The following NXPE2 variants were observed in gnomAD, a reference collection of about 807,000 sequenced individuals.
NXPE2 encodes NXPE family member 2.
In NXPE2, 34 loss-of-function variants were observed where a neutral mutation model predicts 34.4. The observed-to-expected ratio is 0.99, with a 90% CI of 0.75 to 1.31. The LOEUF (loss-of-function observed/expected upper bound fraction) is 1.31. Ranked by LOEUF, NXPE2 falls within the 40% of genes most tolerant of loss-of-function variation. The pLI, the probability that NXPE2 is intolerant of heterozygous loss-of-function variation, is 0.00. For synonymous variants in NXPE2, 235 were observed against 231.3 expected, an observed-to-expected ratio of 1.02 and a Z score of -0.15; for missense variants, 649 against 672.5, an observed-to-expected ratio of 0.97 and a Z score of 0.39.
chr11:114,529,039 T>C, the NXPE2 span: 3 of 402,760 alleles, frequency 7.4e-6, no homozygotes, highest in Non-Finnish European at 1.3e-5. Context: ...GATTCTGGAA[T>C]GCATGTTATT....
At chr11:114,602,947 A>G in the NXPE2 span, among the ~76,000 whole-genome samples, 1 of 149,884 alleles carries the variant, frequency 6.7e-6, no homozygotes, top group African/African-American at 2.4e-5. Context: ...CAGAATCATA[A>G]TTATCTCATA....
the NXPE2 span, among the ~76,000 whole-genome samples, chr11:114,471,207 C>T: frequency 2.6e-5 from 4 of 152,132 alleles, no homozygotes; most frequent in Admixed American, 1.3e-4. Context: ...AATCATTGCC[C>T]AGCCAAAGGC....
chr11:114,471,205 C>G, the NXPE2 span, among the ~76,000 whole-genome samples: 1 of 152,120 alleles, frequency 6.6e-6, no homozygotes, highest in African/African-American at 2.4e-5. Context: ...GAAATCATTG[C>G]CCAGCCAAAG....
At chr11:114,472,110 T>C in the NXPE2 span, among the ~76,000 whole-genome samples, 2 of 152,224 alleles carry the variant, frequency 1.3e-5, no homozygotes, top group African/African-American at 4.8e-5. Flanking sequence ...GCCCCATGGC[T>C]ACCTCTAGCA....
the NXPE2 span, among the ~76,000 whole-genome samples, chr11:114,534,413 C>T: frequency 5.3e-5 from 8 of 152,182 alleles, no homozygotes; most frequent in Non-Finnish European, 8.8e-5. Flanking sequence ...TCCTCACCAG[C>T]AACAGAACAA....
the NXPE2 span, among the ~76,000 whole-genome samples, chr11:114,574,915 CT>C: frequency 6.6e-6 from 1 of 151,958 alleles, no homozygotes; most frequent in African/African-American, 2.4e-5. Flanking sequence ...AGTAACATCC[CT>C]TATGAACATA....
At chr11:114,733,098 T>TTGTC in the NXPE2 span, among the ~76,000 whole-genome samples, 1 of 151,728 alleles carries the variant, frequency 6.6e-6, no homozygotes, top group Admixed American at 6.6e-5. Context: ...GGTTTTTTGT[T>TTGTC]TGTTTGTTTG....
chr11:114,523,834 G>T, the NXPE2 span, among the ~76,000 whole-genome samples: 1 of 152,282 alleles, frequency 6.6e-6, no homozygotes, highest in South Asian at 2.1e-4. Context: ...CCAATGCCTT[G>T]TATTTTAGGA....
the NXPE2 span, among the ~76,000 whole-genome samples, chr11:114,640,363 C>T: frequency 6.7e-6 from 1 of 148,216 alleles, no homozygotes; most frequent in African/African-American, 2.5e-5. Context: ...CATATATATG[C>T]TACTGTTTCT....
the NXPE2 span, chr11:114,553,677 C>T: frequency 4.1e-6 from 4 of 973,748 alleles, no homozygotes; most frequent in Non-Finnish European, 3.7e-6. Context: ...ATTCCGAAAT[C>T]AATGTCTCAC....
At chr11:114,500,099 T>C in the NXPE2 span, among the ~76,000 whole-genome samples, 1 of 152,250 alleles carries the variant, frequency 6.6e-6, no homozygotes, top group East Asian at 1.9e-4. Context: ...TAAAAATCTT[T>C]CTGTGGACAT....
the NXPE2 span, among the ~76,000 whole-genome samples, chr11:114,640,035 T>G: frequency 8.4e-6 from 1 of 119,248 alleles, no homozygotes; most frequent in Non-Finnish European, 1.6e-5. Flanking sequence ...GTAACATAAT[T>G]ATATTATTTT....
the NXPE2 span, among the ~76,000 whole-genome samples, chr11:114,753,590 C>T: frequency 1.3e-5 from 2 of 152,112 alleles, no homozygotes; most frequent in African/African-American, 4.8e-5. Flanking sequence ...AATTCCAAAT[C>T]ATTTATTAAT....
the NXPE2 span, among the ~76,000 whole-genome samples, chr11:114,491,910 C>CA: frequency 2.6e-5 from 4 of 152,144 alleles, no homozygotes; most frequent in Admixed American, 1.3e-4. Context: ...ATTGCAAGGA[C>CA]AAAAAACCAA....
the NXPE2 span, among the ~76,000 whole-genome samples, chr11:114,557,138 C>T: frequency 2.0e-5 from 3 of 152,076 alleles, no homozygotes; most frequent in Admixed American, 6.6e-5. Flanking sequence ...AAGTAATCTG[C>T]GTGCCTCAGC....
chr11:114,583,213 T>C, the NXPE2 span: 3 of 730,584 alleles, frequency 4.1e-6, no homozygotes, highest in Non-Finnish European at 6.7e-6. Flanking sequence ...AGAATGGAGA[T>C]TGACTGACAG....
At chr11:114,725,761 T>G in the NXPE2 span, among the ~76,000 whole-genome samples, 1 of 151,692 alleles carries the variant, frequency 6.6e-6, no homozygotes, top group South Asian at 2.1e-4. Context: ...AAACCTTGTT[T>G]CATGGGAAGG....
At chr11:114,705,152 G>A (rs1463692693) in intron 4 of NXPE2, among the ~76,000 whole-genome samples, 1 of 152,118 alleles carries the variant, frequency 6.6e-6, no homozygotes, top group Non-Finnish European at 1.5e-5. Context: ...TACAGTTTAG[G>A]CTATTTTAAT....
At chr11:114,496,301 T>G in the NXPE2 span, among the ~76,000 whole-genome samples, 1 of 152,140 alleles carries the variant, frequency 6.6e-6, no homozygotes, top group Non-Finnish European at 1.5e-5. Context: ...GGACTTAGTT[T>G]CAATGCTATG....
Sources: gnomAD v4.1 joint callset for allele counts (sites outside exome capture counted in the v4.1 genomes callset) on GRCh38, gnomAD v4.1.1 for gene constraint, MANE v1.5 for transcripts, NCBI Gene and HGNC (gene_info 2026-07-23, HGNC 2026-07-21) for gene names.